INPP5D: variants seen among roughly 807,000 people sequenced by gnomAD.
The protein encoded by INPP5D is phosphatidylinositol 3,4,5-trisphosphate 5-phosphatase 1.
In INPP5D, 33 loss-of-function variants were observed where a neutral mutation model predicts 122.9. The ratio of observed to expected loss-of-function variants is 0.27; its 90% CI spans 0.20 to 0.36. INPP5D has a LOEUF of 0.36. Ranked by LOEUF, INPP5D falls within the 10% of genes least tolerant of loss-of-function variation. The pLI, the probability that INPP5D is intolerant of heterozygous loss-of-function variation, is 1.00. For synonymous variants in INPP5D, 584 were observed against 576.2 expected, an observed-to-expected ratio of 1.01 and a Z score of -0.19; for missense variants, 1,053 against 1,412.7, an observed-to-expected ratio of 0.75 and a Z score of 4.08.
intron 2 of INPP5D, among the ~76,000 whole-genome samples, chr2:233,118,947 C>T (rs968038705): frequency 6.6e-6 from 1 of 152,252 alleles, no homozygotes; most frequent in Non-Finnish European, 1.5e-5. Flanking sequence ...GCGGGCCAGG[C>T]ACACGCGGTG....
chr2:233,083,412 C>A (rs1000047269), intron 2 of INPP5D, among the ~76,000 whole-genome samples: 2 of 152,162 alleles, frequency 1.3e-5, no homozygotes, highest in African/African-American at 2.4e-5. Flanking sequence ...AGCTGCTGTG[C>A]CACTCAAACC....
intron 3 of INPP5D, among the ~76,000 whole-genome samples, chr2:233,124,912 G>T (rs372802482): frequency 6.6e-6 from 1 of 152,260 alleles, no homozygotes; most frequent in East Asian, 1.9e-4. Context: ...GCCTCTTGAG[G>T]CACCGCCAGA....
intron 2 of INPP5D, among the ~76,000 whole-genome samples, chr2:233,083,365 C>T (rs2106213709): frequency 6.6e-6 from 1 of 152,308 alleles, no homozygotes; most frequent in East Asian, 1.9e-4. Flanking sequence ...CTTCAGGGAC[C>T]TGAGTACGCT....
rs1695525575 is a variant in INPP5D at position 233,206,999 on chromosome 2, C to T, written c.*291C>T. The T allele has an allele frequency of 1.2e-5, 5 of 405,106 alleles. No homozygotes were observed. In the South Asian group the frequency reaches 1.6e-4, roughly 13 times the overall value. 25.1% of individuals were successfully genotyped at this position (405,106 alleles called of 1,614,324 possible). A position where few individuals can be genotyped will look rare whatever the true frequency, so the allele number is the denominator to read the frequency against. ...CCAGTGCCTCGTTGAGGGCGCCATT[C>T]TGAAGAAAGGAACTGCAGCGCCGAT... On this transcript the variant is annotated 3_prime_UTR_variant, in exon 27 of 27. Coordinates refer to ENST00000445964, the MANE Select transcript of INPP5D (RefSeq NM_001017915.3). The surrounding 1 kb of genome is among the most constrained non-coding windows in gnomAD (Gnocchi z 4.0).
Position 233,137,871 on chromosome 2 carries a change from T to A in INPP5D, c.666-1971T>A, listed in dbSNP as rs866596612. Among the ~76,000 whole-genome samples the A allele has an allele frequency of 6.1e-3, 238 of 38,840 alleles. 5 individuals carry two copies. The highest frequency in any genetic ancestry group is 9.6e-3 in the African/African-American group (127 of 13,278). The allele number at this position is 38,840 out of a possible 152,430, so 25.5% of individuals were successfully genotyped here. On this transcript the variant is annotated intron_variant, in intron 5 of 26. Transcript: ENST00000445964. ...AAAAAAAAATATATATATATATATA[T>A]ATATATATATATATATATATATATA...
At chr2:233,180,836 G>A (rs1334369120) in intron 18 of INPP5D, among the ~76,000 whole-genome samples, 1 of 148,866 alleles carries the variant, frequency 6.7e-6, no homozygotes, top group African/African-American at 2.5e-5. Context: ...ACCATGCCCA[G>A]CTAATTTTTG....
intron 2 of INPP5D, 24 bp downstream of exon 2, chr2:233,079,422 A>G: frequency 6.9e-7 from 1 of 1,447,908 alleles, no homozygotes. Context: ...AAACCTAGAA[A>G]TCTGAACCTG....
intron 19 of INPP5D, 127 bp from the exon 20 acceptor site, chr2:233,184,281 C>T (rs555536405): frequency 7.4e-7 from 1 of 1,342,980 alleles, no homozygotes; most frequent in African/African-American, 1.5e-5. Flanking sequence ...CTTTAGTTCT[C>T]CTCCCACTAG....
chr2:233,178,596 C>T (rs1295217955), intron 18 of INPP5D, among the ~76,000 whole-genome samples: 1 of 152,044 alleles, frequency 6.6e-6, no homozygotes, highest in Admixed American at 6.5e-5. Context: ...GACTCTCCTG[C>T]CTCAGACTCC....
intron 20 of INPP5D, among the ~76,000 whole-genome samples, chr2:233,185,137 C>T (rs1694879773): frequency 1.3e-5 from 2 of 152,046 alleles, no homozygotes; most frequent in South Asian, 2.1e-4. Flanking sequence ...CAGCCGTCTT[C>T]GCTGAGATGG....
At chr2:233,061,814 G>A (rs972712526) in intron 1 of INPP5D, among the ~76,000 whole-genome samples, 3 of 152,216 alleles carry the variant, frequency 2.0e-5, no homozygotes, top group African/African-American at 4.8e-5. Flanking sequence ...AGCAGCCTGT[G>A]GCCCAACCTC....
Position 233,124,755 on chromosome 2 carries a change from G to A in INPP5D, c.350-990G>A, listed in dbSNP as rs143188897. Among the ~76,000 whole-genome samples the A allele has an allele frequency of 6.2e-3, 946 of 152,374 alleles. 3 individuals carry two copies. Among genetic ancestry groups the A allele is most frequent in the Non-Finnish European group, 9.1e-3 (622 of 68,042 alleles). ...GCATGGCTGTCTGGAGGAAGATCCCGACAAGTTTCTGTGAGGGCTGAAAAA... is the reference window on the plus strand; with the variant it reads ...GCATGGCTGTCTGGAGGAAGATCCCAACAAGTTTCTGTGAGGGCTGAAAAA... On this transcript the variant is annotated intron_variant, in intron 3 of 26. Transcript: ENST00000445964.
intron 6 of INPP5D, 117 bp from the exon 7 acceptor site, chr2:233,146,045 C>A (rs1693750467): frequency 2.8e-6 from 2 of 703,210 alleles, no homozygotes; most frequent in Middle Eastern, 2.3e-4. Flanking sequence ...AATAATAGAA[C>A]TTGTGGGGCT....
chr2:233,114,899 CTCT>C (rs1692742362), intron 2 of INPP5D, among the ~76,000 whole-genome samples: 1 of 151,038 alleles, frequency 6.6e-6, no homozygotes, highest in Non-Finnish European at 1.5e-5. Context: ...CAGAGTTTCG[CTCT>C]TGTCACCCAG....
chr2:233,131,694 C>T (rs1159525922), intron 5 of INPP5D, among the ~76,000 whole-genome samples: 4 of 152,070 alleles, frequency 2.6e-5, no homozygotes, highest in African/African-American at 7.2e-5. Flanking sequence ...AGCAAGACTC[C>T]GTCTCAAATA....
At position 233,096,724 on chromosome 2, in the gene INPP5D, T is replaced by C. The variant is rs77234761; in HGVS notation, c.198+17326T>C. Among the ~76,000 whole-genome samples, 16 of 152,234 alleles carry C rather than the reference T, an allele frequency of 1.1e-4. No homozygotes were observed. The East Asian group carries it at 2.9e-3, about 28-fold the overall frequency. ...TGTTTCTTTTCCTGTCAATTGCCTA[T>C]TTATATTCTTTTTCCATTTTTTCCT... On this transcript the variant is annotated intron_variant, in intron 2 of 26. Coordinates refer to ENST00000445964, the MANE Select transcript of INPP5D (RefSeq NM_001017915.3).
intron 2 of INPP5D, among the ~76,000 whole-genome samples, chr2:233,106,237 G>T (rs1016965655): frequency 2.0e-5 from 3 of 152,162 alleles, no homozygotes; most frequent in Non-Finnish European, 1.5e-5. Context: ...GTCTGCTGTG[G>T]TTGGCTAATC....
chr2:233,196,757 AG>A (rs1459979593), intron 24 of INPP5D, among the ~76,000 whole-genome samples: 1 of 152,014 alleles, frequency 6.6e-6, no homozygotes, highest in Non-Finnish European at 1.5e-5. Context: ...CCAGCCGAGG[AG>A]GCAGAACCAT....
chr2:233,120,224 C>T, intron 2 of INPP5D, among the ~76,000 whole-genome samples: 1 of 152,206 alleles, frequency 6.6e-6, no homozygotes, highest in East Asian at 1.9e-4. Context: ...TGGCTTACAC[C>T]TGTAATCCCA....
Sources: allele counts gnomAD v4.1 joint callset (sites outside exome capture counted in the v4.1 genomes callset), GRCh38; gene constraint gnomAD v4.1.1; non-coding constraint Gnocchi (gnomAD v3.1); transcripts MANE v1.5; gene names NCBI Gene and HGNC (gene_info 2026-07-23, HGNC 2026-07-21).